The following RABL2B variants were observed in gnomAD, a reference collection of about 807,000 sequenced individuals.
RABL2B encodes the protein rab-like protein 2B.
Under a neutral mutation model 26.7 loss-of-function variants are expected in RABL2B, and 17 were observed. The observed-to-expected ratio is 0.64, with a 90% confidence interval of 0.44 to 0.95. The LOEUF (loss-of-function observed/expected upper bound fraction) is 0.95, where lower values mean the gene tolerates loss of function less well. Ranked by LOEUF, RABL2B falls within the 40% of genes least tolerant of loss-of-function variation. RABL2B has a pLI of 0.00. For synonymous variants in RABL2B, 70 were observed against 103.9 expected, an observed-to-expected ratio of 0.67 and a Z score of 1.99; for missense variants, 170 against 277.2, an observed-to-expected ratio of 0.61 and a Z score of 2.75.
At chr22:50,780,711 T>A in intron 2 of RABL2B, 1 of 470,910 alleles carries the variant, frequency 2.1e-6, no homozygotes, top group South Asian at 1.5e-5. Flanking sequence ...GTTTTCTAAT[T>A]GTTGTGTCTG....
chr22:50,777,942 T>C lies in RABL2B; in HGVS notation c.137+10A>G. The C allele has an allele frequency of 5.6e-6, 9 of 1,614,108 alleles. No homozygotes were observed. Among genetic ancestry groups the C allele is most frequent in the Non-Finnish European group, 7.6e-6 (9 of 1,179,996 alleles). On this transcript the variant is annotated intron_variant, in intron 3 of 8. Coordinates refer to ENST00000691320, the MANE Select transcript of RABL2B (RefSeq NM_001130919.3). Reference sequence around the variant, plus strand: ...CAGGAACAAGGGGTACTTCAAACCTTGAAGGATACAAGCCATCCATGAGAA... The same window carrying C: ...CAGGAACAAGGGGTACTTCAAACCTCGAAGGATACAAGCCATCCATGAGAA...
intron 3 of RABL2B, 60 bp from the exon 4 acceptor site, chr22:50,776,809 A>G (rs1427572132): frequency 1.6e-4 from 247 of 1,553,146 alleles, no homozygotes; most frequent in Non-Finnish European, 2.1e-4. Flanking sequence ...AGTGGGGAGC[A>G]GGGGTGTTTG....
chr22:50,773,318 C>T (rs2428058), intron 5 of RABL2B, among the ~76,000 whole-genome samples: 4 of 152,196 alleles, frequency 2.6e-5, no homozygotes, highest in Non-Finnish European at 5.9e-5. Context: ...ATTTTGTTCT[C>T]AAGGGGCAGT....
intron 2 of RABL2B, among the ~76,000 whole-genome samples, chr22:50,780,036 A>G (rs1426062294): frequency 6.6e-6 from 1 of 152,110 alleles, no homozygotes; most frequent in Non-Finnish European, 1.5e-5. Flanking sequence ...TGGGGTCAAA[A>G]GAAATCTGGT....
Position 50,775,978 on chromosome 22 carries a change from A to G in RABL2B, c.218-127T>C, listed in dbSNP as rs1555923613. 3 of 951,546 alleles carry G rather than the reference A, an allele frequency of 3.2e-6. No individual in the cohort carries two copies. The East Asian group carries it at 7.7e-5, about 24-fold the overall frequency. The allele number at this position is 951,546 out of a possible 1,614,324, so 58.9% of individuals were successfully genotyped here. On this transcript the variant is annotated intron_variant, in intron 4 of 8. Transcript: ENST00000691320. Reference sequence around the variant, plus strand: ...GTACATGGGGAGCACAGGGAGAAACAGAGACTATACAGCCCCACACGTGTG... The same window carrying G: ...GTACATGGGGAGCACAGGGAGAAACGGAGACTATACAGCCCCACACGTGTG...
At chr22:50,771,598 T>G (rs1295194554) in intron 5 of RABL2B, 4 of 151,326 alleles carry the variant, frequency 2.6e-5, no homozygotes. Flanking sequence ...AAGCTTCTGT[T>G]TACTTCTTTG....
At position 50,769,937 on chromosome 22, in the gene RABL2B, A is replaced by T. The variant is rs531689433; in HGVS notation, c.377T>A (p.Ile126Asn). ...YTELREFRPE[I>N]PCIVVANKID... ...TTTATTGGCCACCACGATGCATGGG[A>T]TCTCTGGCCTGAACTCCCGAAGCTC... Residue 126 changes from isoleucine to asparagine, a missense_variant, in exon 6 of 9, where the codon ATC (isoleucine) becomes AAC (asparagine). Around this residue, in one of 2 missense-constraint regions of RABL2B, gnomAD observed 165 missense variants for 232.0 expected, o/e 0.71. Transcript: ENST00000691320. The T allele has an allele frequency of 2.5e-6, 4 of 1,613,510 alleles. No individual in the cohort carries two copies. Among genetic ancestry groups the T allele is most frequent in the Non-Finnish European group, 2.5e-6 (3 of 1,179,812 alleles).
chr22:50,776,618 T>C, intron 4 of RABL2B, 52 bp downstream of exon 4: 1 of 1,562,226 alleles, frequency 6.4e-7, no homozygotes, highest in Non-Finnish European at 8.7e-7. Context: ...TCCCCTCGTC[T>C]CCCATTTCCT....
chr22:50,776,478 A>G (rs1165808014), intron 4 of RABL2B, among the ~76,000 whole-genome samples, 192 bp downstream of exon 4: 1 of 152,128 alleles, frequency 6.6e-6, no homozygotes, highest in Non-Finnish European at 1.5e-5. Flanking sequence ...GAGGGCTGGG[A>G]CTTGGCCCCT....
rs1434586642 is a variant in RABL2B, at chr22:50,783,552, C to T, written c.-105G>A. ...GACCAGGGACGCTGCGGGTCGGCCC[C>T]TCGGGCCCTGCCGCCAGTCTGGACT... On this transcript the variant is annotated 5_prime_UTR_variant, in exon 1 of 9. Transcript: ENST00000691320. 1.3e-5 allele frequency: 2 copies of T among 152,098 alleles called. No homozygotes were observed. Among genetic ancestry groups the T allele is most frequent in the Admixed American group, 6.5e-5 (1 of 15,292 alleles). 9.4% of individuals were successfully genotyped at this position (152,098 alleles called of 1,614,324 possible).
At chr22:50,774,182 A>T (rs1448827773) in intron 5 of RABL2B, among the ~76,000 whole-genome samples, 5 of 152,208 alleles carry the variant, frequency 3.3e-5, no homozygotes, top group Admixed American at 2.0e-4. Flanking sequence ...GGCGTGAGCC[A>T]CCGCGCCCGG....
At chr22:50,769,011 C>T in intron 8 of RABL2B, 30 bp downstream of exon 8, 1 of 1,365,410 alleles carries the variant, frequency 7.3e-7, no homozygotes, top group Non-Finnish European at 1.0e-6. Context: ...CCGTTTCTTC[C>T]ATCCCACCCG....
intron 5 of RABL2B, 60 bp downstream of exon 5, chr22:50,775,712 C>T: frequency 6.3e-7 from 1 of 1,580,520 alleles, no homozygotes; most frequent in Non-Finnish European, 8.7e-7. Context: ...GCTGCTAGGC[C>T]CCTCACCCCT....
At chr22:50,780,387 C>G (rs542182822) in intron 2 of RABL2B, among the ~76,000 whole-genome samples, 1 of 148,616 alleles carries the variant, frequency 6.7e-6, no homozygotes, top group Admixed American at 6.8e-5. Context: ...ATGATGAACA[C>G]AAGTGTTAAC....
At position 50,769,436 on chromosome 22, in the gene RABL2B, C is replaced by T. The variant is rs376723096; in HGVS notation, c.507+19G>A. 1.2e-6 allele frequency: 2 copies of T among 1,611,734 alleles called. No homozygotes were observed. The highest frequency in any genetic ancestry group is 1.3e-5 in the African/African-American group (1 of 74,532). Reference sequence around the variant, plus strand: ...CCTAGCGCCCTGACCTTGCTAGCTACCTCTGCAGTCAACCACACCTTCACA... The same window carrying T: ...CCTAGCGCCCTGACCTTGCTAGCTATCTCTGCAGTCAACCACACCTTCACA... On this transcript the variant is annotated intron_variant, in intron 7 of 8. Coordinates refer to ENST00000691320, the MANE Select transcript of RABL2B (RefSeq NM_001130919.3).
At chr22:50,774,657 C>T (rs1386091595) in intron 5 of RABL2B, among the ~76,000 whole-genome samples, 4 of 150,132 alleles carry the variant, frequency 2.7e-5, no homozygotes, top group African/African-American at 9.9e-5. Flanking sequence ...TAAAGCAAGA[C>T]CTTGAATGCT....
intron 5 of RABL2B, among the ~76,000 whole-genome samples, chr22:50,770,994 G>T (rs2084072056): frequency 6.7e-6 from 1 of 150,268 alleles, no homozygotes; most frequent in Non-Finnish European, 1.5e-5. Flanking sequence ...CTCCCACCTG[G>T]GCCTCTAAAG....
At chr22:50,773,388 A>C (rs2084476432) in intron 5 of RABL2B, among the ~76,000 whole-genome samples, 1 of 152,176 alleles carries the variant, frequency 6.6e-6, no homozygotes, top group South Asian at 2.1e-4. Flanking sequence ...GAAGGGAAGA[A>C]TCCTCACTGT....
chr22:50,767,602 A>G lies in RABL2B; in HGVS notation c.*1174T>C. 1 of 344,728 alleles carries G rather than the reference A, an allele frequency of 2.9e-6. No homozygotes were observed. Among genetic ancestry groups the G allele is most frequent in the Non-Finnish European group, 5.7e-6 (1 of 174,400 alleles). 21.4% of individuals were successfully genotyped at this position (344,728 alleles called of 1,614,324 possible). On this transcript the variant is annotated 3_prime_UTR_variant, in exon 9 of 9. Coordinates refer to ENST00000691320, the MANE Select transcript of RABL2B (RefSeq NM_001130919.3). ...AACAATGCCCGAGATTATCATAAAAACATACTAGCAAGCCACAAGTACCAG... is the reference window on the plus strand; with the variant it reads ...AACAATGCCCGAGATTATCATAAAAGCATACTAGCAAGCCACAAGTACCAG...
Sources: allele counts gnomAD v4.1 joint callset (sites outside exome capture counted in the v4.1 genomes callset), GRCh38; gene constraint gnomAD v4.1.1; regional missense constraint gnomAD v4.1.1; transcripts MANE v1.5; gene names NCBI Gene and HGNC (gene_info 2026-07-23, HGNC 2026-07-21).